The following DNAJC8 variants were observed in gnomAD, a reference collection of about 807,000 sequenced individuals.
DNAJC8 encodes the protein DnaJ heat shock protein family (Hsp40) member C8, also known as dnaJ homolog subfamily C member 8.
DNAJC8 carries 24 observed loss-of-function variants against 43.2 expected under a neutral mutation model. That is an observed-to-expected ratio of 0.56 (90% CI 0.40 to 0.78). The LOEUF (loss-of-function observed/expected upper bound fraction) is 0.78. Among genes scored for constraint, DNAJC8 ranks in the 30% least tolerant of loss-of-function variants. DNAJC8 has a pLI of 0.00. For missense variants in DNAJC8, 207 were observed against 299.4 expected (o/e 0.69, Z 2.28); for synonymous variants, 83 against 98.0 (o/e 0.85, Z 0.90).
chr1:28,210,661 T>C (rs758631761), intron 3 of DNAJC8, 24 bp from the exon 4 acceptor site: 5 of 1,605,756 alleles, frequency 3.1e-6, no homozygotes, highest in Non-Finnish European at 2.6e-6. Context: ...AAAGTTGGGG[T>C]TGTCAATAAG....
rs1009021516 is a variant in DNAJC8, at chr1:28,200,585, G to A, written c.*663C>T. On this transcript the variant is annotated 3_prime_UTR_variant, in exon 9 of 9. Coordinates refer to ENST00000263697, the MANE Select transcript of DNAJC8 (RefSeq NM_014280.3). The stretch of plus-strand genomic sequence containing the variant: ...GGTATAAAAATTTATTATACATAAA[G>A]AATATTACCACTAACAAATGCAGAC... 2 of 456,502 alleles carry A rather than the reference G, an allele frequency of 4.4e-6. No homozygotes were observed. Among genetic ancestry groups the A allele is most frequent in the Admixed American group, 4.7e-5 (2 of 42,572 alleles). The allele number at this position is 456,502 out of a possible 1,614,324, so 28.3% of individuals were successfully genotyped here. A position where few individuals can be genotyped will look rare whatever the true frequency, so the allele number is the denominator to read the frequency against.
chr1:28,214,889 C>A, intron 3 of DNAJC8, 51 bp downstream of exon 3: 4 of 1,495,994 alleles, frequency 2.7e-6, no homozygotes, highest in South Asian at 2.7e-5. Flanking sequence ...ATAAAAGAAT[C>A]ATGTGCTTCA....
At position 28,200,732 on chromosome 1, in the gene DNAJC8, A is replaced by G. The variant is rs748979600; in HGVS notation, c.*516T>C. On this transcript the variant is annotated 3_prime_UTR_variant, in exon 9 of 9. Transcript: ENST00000263697. Reference sequence around the variant, plus strand: ...ACAGGGGGCACATGCCAAACACCACAGGGCATCAGATGCTGCTCTGTGTGC... The same window carrying G: ...ACAGGGGGCACATGCCAAACACCACGGGGCATCAGATGCTGCTCTGTGTGC... 4.4e-6 allele frequency: 2 copies of G among 453,364 alleles called. No individual in the cohort carries two copies. Among genetic ancestry groups the G allele is most frequent in the South Asian group, 3.1e-5 (2 of 64,328 alleles). 28.1% of individuals were successfully genotyped at this position (453,364 alleles called of 1,614,324 possible).
intron 3 of DNAJC8, 74 bp from the exon 4 acceptor site, chr1:28,210,711 C>T: frequency 8.3e-7 from 1 of 1,208,682 alleles, no homozygotes; most frequent in Non-Finnish European, 1.2e-6. Context: ...TGTCTCGTTA[C>T]AACCAAAAGC....
At chr1:28,210,836 A>C (rs1484034527) in intron 3 of DNAJC8, among the ~76,000 whole-genome samples, 199 bp from the exon 4 acceptor site, 1 of 152,184 alleles carries the variant, frequency 6.6e-6, no homozygotes. Context: ...CAAAAGGTAA[A>C]GGTACAACTA....
intron 4 of DNAJC8, 135 bp from the exon 5 acceptor site, chr1:28,210,201 T>A: frequency 1.4e-6 from 1 of 738,330 alleles, no homozygotes; most frequent in Admixed American, 2.8e-5. Context: ...TAAACTAAGT[T>A]AAAAAAAACA....
intron 6 of DNAJC8, among the ~76,000 whole-genome samples, chr1:28,205,574 T>C (rs1211094010): frequency 6.6e-6 from 1 of 152,134 alleles, no homozygotes; most frequent in African/African-American, 2.4e-5. Context: ...ACTCTATTGC[T>C]ACAAAAAAAT....
intron 7 of DNAJC8, among the ~76,000 whole-genome samples, chr1:28,204,836 A>T (rs1229049793): frequency 6.6e-6 from 1 of 152,206 alleles, no homozygotes; most frequent in Non-Finnish European, 1.5e-5. Context: ...CATCCTGGCC[A>T]ACATGGTGAA....
intron 1 of DNAJC8, chr1:28,230,023 G>A (rs1344319436): frequency 1.3e-5 from 2 of 152,012 alleles, no homozygotes; most frequent in Non-Finnish European, 2.9e-5. Context: ...TGAGGTGGGT[G>A]GATTGCTTGA....
At chr1:28,226,354 T>C (rs1646934706) in intron 2 of DNAJC8, among the ~76,000 whole-genome samples, 1 of 150,960 alleles carries the variant, frequency 6.6e-6, no homozygotes, top group Admixed American at 6.6e-5. Context: ...AATACAAAAA[T>C]TAGCCAGGCG....
At chr1:28,201,856 A>C (rs1218604988) in intron 8 of DNAJC8, among the ~76,000 whole-genome samples, 1 of 151,516 alleles carries the variant, frequency 6.6e-6, no homozygotes. Context: ...TGGCTCACAC[A>C]TCAGGTGGAT....
At position 28,210,642 on chromosome 1, in the gene DNAJC8, A is replaced by G. The variant is rs1646804268; in HGVS notation, c.238-5T>C. On this transcript the variant is annotated splice_polypyrimidine_tract_variant and splice_region_variant and intron_variant, in intron 3 of 8. Coordinates refer to ENST00000263697, the MANE Select transcript of DNAJC8 (RefSeq NM_014280.3). ...AGGATGCACCAAGATGGATAACTAC[A>G]ATAAGAGAAAAGTTGGGGTTGTCAA... is the stretch of plus-strand genomic sequence containing the variant. 6 of 1,613,324 alleles carry G rather than the reference A, an allele frequency of 3.7e-6. No individual in the cohort carries two copies. The East Asian group carries it at 1.3e-4, about 36-fold the overall frequency.
Position 28,212,173 on chromosome 1 carries a change from ATATATATATATATATATAT to A in DNAJC8, c.238-1555_238-1537del, listed in dbSNP as rs1646816583. On this transcript the variant is annotated intron_variant, in intron 3 of 8. Transcript: ENST00000263697. ...TCCGTCTCAATAAATAAATAAATATATATATATATATATATATATATATATATATATATATATATATAAA... is the reference window on the plus strand; with the variant it reads ...TCCGTCTCAATAAATAAATAAATATAATATATATATATATATATATATAAA... Among the ~76,000 whole-genome samples the A allele has an allele frequency of 2.0e-3, 155 of 79,338 alleles. 4 individuals are homozygous for A. In the Middle Eastern group the frequency reaches 0.03, roughly 16 times the overall value. 52.0% of individuals were successfully genotyped at this position (79,338 alleles called of 152,430 possible). A position where few individuals can be genotyped will look rare whatever the true frequency, so the allele number is the denominator to read the frequency against.
At chr1:28,215,661 C>T (rs1178611006) in intron 2 of DNAJC8, among the ~76,000 whole-genome samples, 1 of 151,616 alleles carries the variant, frequency 6.6e-6, no homozygotes, top group Non-Finnish European at 1.5e-5. Context: ...CCTAAGCCTC[C>T]TGAGTAGCTG....
intron 2 of DNAJC8, among the ~76,000 whole-genome samples, chr1:28,221,675 A>G (rs897891318): frequency 2.6e-5 from 4 of 152,230 alleles, no homozygotes; most frequent in African/African-American, 9.6e-5. Flanking sequence ...GCTCGATTTT[A>G]AAGTATGGCT....
chr1:28,230,636 GTT>G (rs1646967533), intron 1 of DNAJC8, among the ~76,000 whole-genome samples: 1 of 152,044 alleles, frequency 6.6e-6, no homozygotes, highest in African/African-American at 2.4e-5. Flanking sequence ...TTGGTTTTTT[GTT>G]TGTTTTTGTT....
intron 6 of DNAJC8, among the ~76,000 whole-genome samples, chr1:28,208,054 A>C (rs931766558): frequency 2.6e-5 from 4 of 152,046 alleles, no homozygotes; most frequent in African/African-American, 9.7e-5. Context: ...TAAAAATACA[A>C]AATTAACCGG....
chr1:28,213,399 G>GA (rs531142146), intron 3 of DNAJC8, among the ~76,000 whole-genome samples: 32 of 145,632 alleles, frequency 2.2e-4, no homozygotes, highest in Admixed American at 6.9e-4. Context: ...GCTTAGGAAG[G>GA]AAAAAAAAAA....
chr1:28,220,251 T>C (rs762730988), intron 2 of DNAJC8, among the ~76,000 whole-genome samples: 1 of 152,220 alleles, frequency 6.6e-6, no homozygotes, highest in Non-Finnish European at 1.5e-5. Flanking sequence ...TCCTCTTTTG[T>C]CTTTAAGAGC....
Sources: gnomAD v4.1 joint callset for allele counts (sites outside exome capture counted in the v4.1 genomes callset) on GRCh38, gnomAD v4.1.1 for gene constraint, MANE v1.5 for transcripts, NCBI Gene and HGNC (gene_info 2026-07-23, HGNC 2026-07-21) for gene names.